KLHL2: variants seen among roughly 807,000 people sequenced by gnomAD.
The protein encoded by KLHL2 is kelch-like protein 2.
In KLHL2, 15 loss-of-function variants were observed where a neutral mutation model predicts 75.8. The ratio of observed to expected loss-of-function variants is 0.20; its 90% confidence interval spans 0.13 to 0.30. The LOEUF (loss-of-function observed/expected upper bound fraction) is 0.30, where lower values mean the gene tolerates loss of function less well. KLHL2 is among the 10% of genes least tolerant of loss of function. The pLI is 1.00. For synonymous variants in KLHL2, 214 were observed against 251.9 expected, an observed-to-expected ratio of 0.85 and a Z score of 1.42; for missense variants, 381 against 741.0, an observed-to-expected ratio of 0.51 and a Z score of 5.64.
chr4:165,220,779 G>T (rs1167250934), intron 2 of KLHL2, among the ~76,000 whole-genome samples: 3 of 152,254 alleles, frequency 2.0e-5, no homozygotes, highest in East Asian at 3.9e-4. Context: ...GGTAGTTTTG[G>T]GGGGCAGTGA....
chr4:165,305,622 T>A lies in KLHL2; in HGVS notation c.936T>A (p.Val312=). The part of the protein sequence containing the change: ...PMNLPKLMVV[V]GGQAPKAIRS... Reference sequence around the variant, plus strand: ...TGCCCTTGTAGTTGATGGTGGTGGTTGGGGGCCAAGCACCAAAGGCTATCC... The same window carrying A: ...TGCCCTTGTAGTTGATGGTGGTGGTAGGGGGCCAAGCACCAAAGGCTATCC... Residue 312 remains valine (V), a synonymous_variant, in exon 9 of 15, where the codon GTT becomes GTA. Transcript: ENST00000226725. 1 of 1,613,950 alleles carries A rather than the reference T, an allele frequency of 6.2e-7. No homozygotes were observed. The highest frequency in any genetic ancestry group is 8.5e-7 in the Non-Finnish European group (1 of 1,179,900).
At chr4:165,247,598 T>C (rs1740365208) in intron 4 of KLHL2, among the ~76,000 whole-genome samples, 1 of 151,060 alleles carries the variant, frequency 6.6e-6, no homozygotes, top group South Asian at 2.1e-4. Flanking sequence ...TTACCTTAGA[T>C]GGGAGCAGGA....
At chr4:165,264,742 ATATATATATATATATATATATAT>A (rs1560784168) in intron 5 of KLHL2, among the ~76,000 whole-genome samples, 1 of 66,704 alleles carries the variant, frequency 1.5e-5, no homozygotes, top group South Asian at 4.1e-4. Flanking sequence ...ATATATATGT[ATATATATATATATATATATATAT>A]AAAACATTAT....
rs769230806 is a variant in KLHL2 at position 165,248,936 on chromosome 4, G to A, written c.381+10037G>A. ...ATACAGTGATTTTTATGTTATTTGT[G>A]TATATATTTTATTTTTCTAGACTGT... On this transcript the variant is annotated intron_variant, in intron 4 of 14. Coordinates refer to ENST00000226725, the MANE Select transcript of KLHL2 (RefSeq NM_007246.4). 2.0e-5 allele frequency among the ~76,000 whole-genome samples: 3 copies of A among 152,270 alleles called. No individual in the cohort carries two copies. In the East Asian group the frequency reaches 5.8e-4, roughly 29 times the overall value.
intron 8 of KLHL2, 30 bp downstream of exon 8, chr4:165,299,686 C>T (rs1473678725): frequency 6.4e-7 from 1 of 1,553,700 alleles, no homozygotes; most frequent in African/African-American, 1.4e-5. Flanking sequence ...CTTGTTATTA[C>T]CTCATGCAAA....
intron 5 of KLHL2, among the ~76,000 whole-genome samples, chr4:165,265,796 T>G (rs1201609995): frequency 1.3e-5 from 2 of 152,234 alleles, no homozygotes; most frequent in Non-Finnish European, 2.9e-5. Context: ...TGCGTGTGTC[T>G]TTATAGTAGT....
At position 165,299,531 on chromosome 4, in the gene KLHL2, A is replaced by C; in HGVS notation, c.796A>C (p.Lys266Gln). ...GAGGGTTGAAGAGGAAGCATTGGTC[A>C]AGAATAGCAGTGCTTGCAAAGATTA... is the stretch of plus-strand genomic sequence containing the variant. ...VQRVEEEALV[K>Q]NSSACKDYLI... The change falls in exon 8 of 15, where the codon AAG (lysine) becomes CAG (glutamine). Residue 266 changes from lysine to glutamine, a missense_variant. By Grantham distance (53) the Lys-to-Gln change is moderately conservative (BLOSUM62 1). Coordinates refer to ENST00000226725, the MANE Select transcript of KLHL2 (RefSeq NM_007246.4). 6.2e-7 allele frequency: 1 copy of C among 1,612,960 alleles called. No homozygotes were observed. Among genetic ancestry groups the C allele is most frequent in the Non-Finnish European group, 8.5e-7 (1 of 1,179,490 alleles).
chr4:165,272,515 A>G (rs1742776122), intron 5 of KLHL2, among the ~76,000 whole-genome samples: 2 of 152,344 alleles, frequency 1.3e-5, no homozygotes, highest in South Asian at 4.1e-4. Flanking sequence ...AACAATCACT[A>G]TTTAACCTTT....
intron 5 of KLHL2, among the ~76,000 whole-genome samples, chr4:165,270,401 GC>G (rs1742594801): frequency 6.6e-6 from 1 of 152,168 alleles, no homozygotes; most frequent in African/African-American, 2.4e-5. Context: ...GAGAAGAGAT[GC>G]TCTGGTTTTT....
chr4:165,305,434 G>T (rs1241529698), intron 8 of KLHL2, among the ~76,000 whole-genome samples, 174 bp from the exon 9 acceptor site: 2 of 152,162 alleles, frequency 1.3e-5, no homozygotes, highest in Non-Finnish European at 2.9e-5. Context: ...TTTAACGTGT[G>T]TCCCCTTGGT....
chr4:165,251,507 A>G (rs549433724), intron 4 of KLHL2, among the ~76,000 whole-genome samples: 1 of 152,196 alleles, frequency 6.6e-6, no homozygotes, highest in East Asian at 1.9e-4. Flanking sequence ...AAAATTTAAT[A>G]TGGAATGGCC....
chr4:165,277,127 A>G (rs1208699236), intron 5 of KLHL2, among the ~76,000 whole-genome samples: 3 of 152,184 alleles, frequency 2.0e-5, no homozygotes, highest in Non-Finnish European at 4.4e-5. Context: ...CAACATATTG[A>G]TATACATAGT....
intron 12 of KLHL2, 75 bp downstream of exon 12, chr4:165,313,441 A>G: frequency 7.8e-7 from 1 of 1,282,138 alleles, no homozygotes; most frequent in African/African-American, 1.5e-5. Context: ...ATTCAGTGGC[A>G]TCACTTTACA....
At chr4:165,283,507 C>T (rs1339053861) in intron 5 of KLHL2, among the ~76,000 whole-genome samples, 1 of 152,224 alleles carries the variant, frequency 6.6e-6, no homozygotes, top group Non-Finnish European at 1.5e-5. Context: ...CTTAAAGCTC[C>T]AGAATGATCT....
At chr4:165,261,770 T>C (rs1741696333) in intron 4 of KLHL2, among the ~76,000 whole-genome samples, 1 of 152,248 alleles carries the variant, frequency 6.6e-6, no homozygotes, top group Admixed American at 6.5e-5. Flanking sequence ...TACAGAGAGA[T>C]GTGAATGATG....
intron 3 of KLHL2, among the ~76,000 whole-genome samples, chr4:165,235,997 C>T (rs1253644644): frequency 1.3e-5 from 2 of 151,908 alleles, no homozygotes; most frequent in Non-Finnish European, 2.9e-5. Flanking sequence ...GATTTTTGAA[C>T]TCCGTGCCCA....
At chr4:165,307,835 T>A (rs1387579840) in intron 9 of KLHL2, among the ~76,000 whole-genome samples, 1 of 152,224 alleles carries the variant, frequency 6.6e-6, no homozygotes, top group Non-Finnish European at 1.5e-5. Context: ...TATTTATAAA[T>A]ATATGTATCT....
intron 5 of KLHL2, among the ~76,000 whole-genome samples, chr4:165,285,418 T>C (rs1338557647): frequency 6.6e-6 from 1 of 151,966 alleles, no homozygotes; most frequent in African/African-American, 2.4e-5. Flanking sequence ...ATATACTACT[T>C]TTTTTGAGAT....
chr4:165,228,652 A>T (rs1738645471), intron 2 of KLHL2, among the ~76,000 whole-genome samples, 155 bp from the exon 3 acceptor site: 1 of 152,182 alleles, frequency 6.6e-6, no homozygotes, highest in Middle Eastern at 3.4e-3. Flanking sequence ...TTTTCTATGT[A>T]CTTCATGTTT....
Sources: gnomAD v4.1 joint callset for allele counts (sites outside exome capture counted in the v4.1 genomes callset) on GRCh38, gnomAD v4.1.1 for gene constraint, MANE v1.5 for transcripts, NCBI Gene and HGNC (gene_info 2026-07-23, HGNC 2026-07-21) for gene names.